The following SSC4D variants were observed in gnomAD, a reference collection of about 807,000 sequenced individuals.
SSC4D encodes scavenger receptor cysteine rich family member with 4 domains.
SSC4D carries 57 observed loss-of-function variants against 63.4 expected under a neutral mutation model. The ratio of observed to expected loss-of-function variants is 0.90; its 90% CI spans 0.73 to 1.12. The LOEUF is 1.12. Ranked by LOEUF, SSC4D falls within the 50% of genes most tolerant of loss-of-function variation. The pLI is 0.00. For missense variants in SSC4D, 791 were observed against 806.4 expected (o/e 0.98, Z 0.23); for synonymous variants, 352 against 345.4 (o/e 1.02, Z -0.21).
At chr7:76,392,357 C>G (rs989270456) in intron 9 of SSC4D, among the ~76,000 whole-genome samples, 2 of 152,112 alleles carry the variant, frequency 1.3e-5, no homozygotes, top group East Asian at 3.9e-4. Context: ...GTAGACCAGC[C>G]TGGCCAACAT....
In SSC4D at chr7:76,392,010, C is replaced by T. The variant is rs895485166; in HGVS notation, c.1365G>A (p.Gln455=). Residue 455 remains glutamine, a synonymous_variant, in exon 10 of 11, where the codon CAG becomes CAA. Transcript: ENST00000275560. The part of the protein sequence containing the change: ...GPEELGLQVQ[Q]DGSETTRVPT... Reference sequence around the variant, plus strand: ...GCACCCGCGTGGTCTCAGAACCATCCTGCTGGACTTGCAGTCCCAGCTCCT... The same window carrying T: ...GCACCCGCGTGGTCTCAGAACCATCTTGCTGGACTTGCAGTCCCAGCTCCT... The T allele has an allele frequency of 1.3e-6, 2 of 1,587,232 alleles. No individual in the cohort carries two copies. Among genetic ancestry groups the T allele is most frequent in the Non-Finnish European group, 1.7e-6 (2 of 1,166,452 alleles).
intron 2 of SSC4D, among the ~76,000 whole-genome samples, chr7:76,403,210 C>T (rs1312299643): frequency 6.6e-6 from 1 of 152,146 alleles, no homozygotes; most frequent in African/African-American, 2.4e-5. Context: ...ATTTGCCTAC[C>T]AGGCAAAATG....
At position 76,405,420 on chromosome 7, in the gene SSC4D, G is replaced by A. The variant is rs61590588; in HGVS notation, c.-66-915C>T. ...TGGTTTCGAACTCCTGACCTTAAGG[G>A]ATCCGCCCACCTTGGCCTCCCAAAG... On this transcript the variant is annotated intron_variant, in intron 1 of 10. Coordinates refer to ENST00000275560, the MANE Select transcript of SSC4D (RefSeq NM_080744.2). Among the ~76,000 whole-genome samples the A allele has an allele frequency of 2.7e-3, 371 of 137,510 alleles. 2 individuals are homozygous for A. The highest frequency in any genetic ancestry group is 9.6e-3 in the African/African-American group (352 of 36,554). The allele number at this position is 137,510 out of a possible 152,430, so 90.2% of individuals were successfully genotyped here. A position where few individuals can be genotyped will look rare whatever the true frequency, so the allele number is the denominator to read the frequency against.
intron 2 of SSC4D, among the ~76,000 whole-genome samples, chr7:76,402,182 ATTT>A (rs57389874): frequency 1.6e-5 from 2 of 127,214 alleles, no homozygotes; most frequent in African/African-American, 2.9e-5. Flanking sequence ...CTGCCCAGCT[ATTT>A]TTTTTTTTTT....
chr7:76,392,144 G>T (rs1804505670), intron 9 of SSC4D, 103 bp from the exon 10 acceptor site: 5 of 1,102,558 alleles, frequency 4.5e-6, no homozygotes, highest in South Asian at 4.5e-5. Flanking sequence ...CCTGTCCTAG[G>T]GACAAAAAGG....
At chr7:76,399,779 C>T (rs1004322447) in intron 4 of SSC4D, among the ~76,000 whole-genome samples, 2 of 152,152 alleles carry the variant, frequency 1.3e-5, no homozygotes, top group East Asian at 3.9e-4. Context: ...CCACCTTGGC[C>T]TCCCAAAGTG....
rs1435226997 is a variant in SSC4D at position 76,395,275 on chromosome 7, C to A, written c.924G>T (p.Trp308Cys). Residue 308 changes from tryptophan (W) to cysteine (C), a missense_variant, in exon 7 of 11, where the codon TGG becomes TGT. Transcript: ENST00000275560. ...ALPSSATRED[W>C]AWQTDPSATG... ...TACCGGACGGATCTGTCTGCCAAGC[C>A]CAGTCCTCTCTTGTGGCTGAGGATG... 1.2e-6 allele frequency: 2 copies of A among 1,613,920 alleles called. No homozygotes were observed.
At chr7:76,392,998 A>G (rs562945089) in intron 9 of SSC4D, among the ~76,000 whole-genome samples, 3 of 152,158 alleles carry the variant, frequency 2.0e-5, no homozygotes, top group Non-Finnish European at 1.5e-5. Flanking sequence ...CTCCGCCCAA[A>G]GGTCACACGC....
Position 76,397,536 on chromosome 7 carries a change from C to T in SSC4D, c.850G>A (p.Ala284Thr). The T allele has an allele frequency of 6.3e-7, 1 of 1,577,928 alleles. No individual in the cohort carries two copies. The highest frequency in any genetic ancestry group is 8.6e-7 in the Non-Finnish European group (1 of 1,162,894). Residue 284 changes from alanine (A) to threonine (T), a missense_variant, in exon 6 of 11, where the codon GCG becomes ACG. Coordinates refer to ENST00000275560, the MANE Select transcript of SSC4D (RefSeq NM_080744.2). The stretch of plus-strand genomic sequence containing the variant: ...CCCGCACCTGCGCAGAGCGCGCCCG[C>T]GTCCTCGTGGTGGCCGCAGTTGTGC... ...GVHNCGHHEDAGALCAGLGPP... is the reference protein window; with the variant it reads ...GVHNCGHHEDTGALCAGLGPP...
At chr7:76,391,827 G>C in intron 10 of SSC4D, 137 bp downstream of exon 10, 5 of 877,498 alleles carry the variant, frequency 5.7e-6, no homozygotes, top group Non-Finnish European at 9.1e-6. Context: ...GGAGGCCTGA[G>C]ACCAACAAAA....
Position 76,389,945 on chromosome 7 carries a change from G to A in SSC4D, c.*114C>T. ...CACTGTCTAGGTAGGCTCTCTCCCA[G>A]GCAAGGGAAGGAGGGGCAAAGTGAA... On this transcript the variant is annotated 3_prime_UTR_variant, in exon 11 of 11. Transcript: ENST00000275560. 1.4e-6 allele frequency: 2 copies of A among 1,401,104 alleles called. No homozygotes were observed. The highest frequency in any genetic ancestry group is 2.0e-6 in the Non-Finnish European group (2 of 1,011,522). 86.8% of individuals were successfully genotyped at this position (1,401,104 alleles called of 1,614,324 possible).
chr7:76,405,047 G>A (rs1045868072), intron 1 of SSC4D, among the ~76,000 whole-genome samples: 1 of 151,316 alleles, frequency 6.6e-6, no homozygotes, highest in Admixed American at 6.6e-5. Flanking sequence ...TCCAGCCTGG[G>A]CGACAGAGCA....
Position 76,405,274 on chromosome 7 carries a change from TATATA to T in SSC4D, c.-66-774_-66-770del, listed in dbSNP as rs1804964066. ...GTGCATCACCACACCCAGCTAATTA[TATATA>T]TATATATATATATATATATATATAT... On this transcript the variant is annotated intron_variant, in intron 1 of 10. Transcript: ENST00000275560. 2.4e-3 allele frequency among the ~76,000 whole-genome samples: 52 copies of T among 21,250 alleles called. 1 individual carries two copies. The highest frequency in any genetic ancestry group is 4.1e-3 in the African/African-American group (13 of 3,144). The allele number at this position is 21,250 out of a possible 152,430, so 13.9% of individuals were successfully genotyped here.
At chr7:76,405,271 TTATATATATATATATA>T (rs1171830870) in intron 1 of SSC4D, among the ~76,000 whole-genome samples, 61 of 9,142 alleles carry the variant, frequency 6.7e-3, no homozygotes, top group East Asian at 0.023. Flanking sequence ...ACCCAGCTAA[TTATATATATATATATA>T]TATATATATA....
rs1307868344 is a variant in SSC4D at position 76,393,906 on chromosome 7, T to C, written c.947-2A>G. On this transcript the variant is annotated splice_acceptor_variant, in intron 7 of 10. Coordinates refer to ENST00000275560, the MANE Select transcript of SSC4D (RefSeq NM_080744.2). LOFTEE classifies it high-confidence loss of function. ...AAGGCTGGGGGCCAACTCCTGTAGC[T>C]GTGGAGACAGGGCATCTAGGGCGTT... 7 of 1,601,320 alleles carry C rather than the reference T, an allele frequency of 4.4e-6. No homozygotes were observed. The highest frequency in any genetic ancestry group is 6.0e-6 in the Non-Finnish European group (7 of 1,173,250).
chr7:76,406,641 A>G (rs967430941), intron 1 of SSC4D, among the ~76,000 whole-genome samples: 1 of 151,466 alleles, frequency 6.6e-6, no homozygotes, highest in African/African-American at 2.4e-5. Flanking sequence ...GCACCACCAC[A>G]CCCAGCTAAT....
At chr7:76,404,786 T>G (rs1296449984) in intron 1 of SSC4D, among the ~76,000 whole-genome samples, 2 of 145,930 alleles carry the variant, frequency 1.4e-5, no homozygotes, top group African/African-American at 2.6e-5. Flanking sequence ...ATGCAAAAAT[T>G]AGGCCGGCTG....
chr7:76,393,451 G>A lies in SSC4D; in HGVS notation c.1287C>T (p.Gly429=). ...CCTCGTGGTGGCCGCAGTTGTGCTG[G>A]CCCCAGCCCAGGTGGAAGCAGTCGC... ...RLSDCFHLGW[G]QHNCGHHEDA... Residue 429 remains glycine, a synonymous_variant, in exon 9 of 11, where the codon GGC becomes GGT. Transcript: ENST00000275560. The A allele has an allele frequency of 6.5e-7, 1 of 1,532,684 alleles. No individual in the cohort carries two copies. 94.9% of individuals were successfully genotyped at this position (1,532,684 alleles called of 1,614,324 possible).
chr7:76,408,631 A>T (rs1301865904), intron 1 of SSC4D, among the ~76,000 whole-genome samples: 1 of 151,934 alleles, frequency 6.6e-6, no homozygotes, highest in Non-Finnish European at 1.5e-5. Context: ...AGGACCCCCG[A>T]TCCTGATCCC....
Sources: gnomAD v4.1 joint callset for allele counts (sites outside exome capture counted in the v4.1 genomes callset) on GRCh38, gnomAD v4.1.1 for gene constraint, MANE v1.5 for transcripts, NCBI Gene and HGNC (gene_info 2026-07-23, HGNC 2026-07-21) for gene names.